TMEM120A: variants seen among roughly 807,000 people sequenced by gnomAD.
TMEM120A encodes the protein ion channel TACAN.
A neutral mutation model predicts 54.3 loss-of-function variants in TMEM120A; 45 were observed. The ratio of observed to expected loss-of-function variants is 0.83; its 90% CI spans 0.65 to 1.06. The LOEUF (loss-of-function observed/expected upper bound fraction) is 1.06, where lower values mean the gene tolerates loss of function less well. Among genes scored for constraint, TMEM120A ranks in the 50% least tolerant of loss-of-function variants. The probability of loss-of-function intolerance (pLI) is 0.00; values close to 1 mark genes in which losing one functional copy is unlikely to be tolerated. For missense variants in TMEM120A, 424 were observed against 441.7 expected (o/e 0.96, Z 0.36); for synonymous variants, 204 against 178.5 (o/e 1.14, Z -1.14).
At chr7:75,992,670 C>T (rs952755994) in intron 1 of TMEM120A, 113 bp from the exon 2 acceptor site, 31 of 728,516 alleles carry the variant, frequency 4.3e-5, no homozygotes, top group East Asian at 1.1e-4. Flanking sequence ...TTTCGCTCAG[C>T]GGGAAAGGAG....
intron 3 of TMEM120A, 70 bp downstream of exon 3, chr7:75,992,074 C>T: frequency 1.8e-6 from 2 of 1,137,218 alleles, no homozygotes; most frequent in South Asian, 1.5e-5. Context: ...CTATAATGAC[C>T]AAGAGGAGGC....
At chr7:75,989,113 G>GGTGGAGGTTGGGGGGTGGA in intron 4 of TMEM120A, 52 bp downstream of exon 4, 1 of 343,872 alleles carries the variant, frequency 2.9e-6, no homozygotes, top group Non-Finnish European at 4.9e-6. Context: ...GGGGGGTAGG[G>GGTGGAGGTTGGGGGGTGGA]GGCTAGGGGT....
chr7:75,992,600 C>T (rs1290266471), intron 1 of TMEM120A, 43 bp from the exon 2 acceptor site: 4 of 1,451,986 alleles, frequency 2.8e-6, no homozygotes, highest in Non-Finnish European at 3.7e-6. Flanking sequence ...TGGGGAGCTA[C>T]TGAGCCAGAG....
rs781918446 is a variant in TMEM120A at position 75,987,381 on chromosome 7, G to C, written c.897C>G (p.Asp299Glu). The C allele has an allele frequency of 6.4e-7, 1 of 1,566,582 alleles. No individual in the cohort carries two copies. The highest frequency in any genetic ancestry group is 1.4e-5 in the African/African-American group (1 of 73,768). The change falls in exon 11 of 12, where the codon GAC (aspartate) becomes GAG (glutamate). Residue 299 changes from aspartate (D) to glutamate (E), a missense_variant. Asp to Glu is a conservative substitution (Grantham distance 45, BLOSUM62 2). Transcript: ENST00000493111. ...TCACCTGCCACTCCTTGCACTGAGGGTCCTGGGCCAGGTTGAACAACGTCA... is the reference window on the plus strand; with the variant it reads ...TCACCTGCCACTCCTTGCACTGAGGCTCCTGGGCCAGGTTGAACAACGTCA... ...NALTLFNLAQDPQCKEWQVLM... is the reference protein window; with the variant it reads ...NALTLFNLAQEPQCKEWQVLM...
At chr7:75,992,301 C>T (rs1789873890) in intron 2 of TMEM120A, 41 bp from the exon 3 acceptor site, 2 of 1,563,160 alleles carry the variant, frequency 1.3e-6, no homozygotes, top group Non-Finnish European at 1.7e-6. Flanking sequence ...AGAGGACTCC[C>T]AAGTGTCCTC....
intron 1 of TMEM120A, 91 bp downstream of exon 1, chr7:75,994,399 C>T: frequency 4.1e-6 from 5 of 1,214,196 alleles, no homozygotes; most frequent in Non-Finnish European, 5.9e-6. Flanking sequence ...ACCCTTAGCT[C>T]CCCACTGCCT....
At chr7:75,990,489 C>A (rs1789798019) in intron 3 of TMEM120A, among the ~76,000 whole-genome samples, 1 of 152,070 alleles carries the variant, frequency 6.6e-6, no homozygotes, top group Non-Finnish European at 1.5e-5. Context: ...TTCCCAGAGG[C>A]AAAGTAACCC....
chr7:75,993,569 G>T (rs1324858958), intron 1 of TMEM120A, among the ~76,000 whole-genome samples: 4 of 152,230 alleles, frequency 2.6e-5, no homozygotes, highest in African/African-American at 7.2e-5. Context: ...AGCACCAATG[G>T]CAGGGGCCTT....
Position 75,989,217 on chromosome 7 carries a change from G to T in TMEM120A, c.325C>A (p.Leu109Met). ...TTGACGTTCCCCAGAACCAGGCTCA[G>T]GTACAATCTAGGGAAGGGGGTGGCG... ...AYLPKKNGLY[L>M]SLVLGNVNVT... The change falls in exon 4 of 12, where the codon CTG becomes ATG. Residue 109 changes from leucine (L) to methionine (M), a missense_variant. By Grantham distance (15) the Leu-to-Met change is conservative (BLOSUM62 2). Coordinates refer to ENST00000493111, the MANE Select transcript of TMEM120A (RefSeq NM_031925.3). The T allele has an allele frequency of 6.4e-7, 1 of 1,559,924 alleles. No individual in the cohort carries two copies. Among genetic ancestry groups the T allele is most frequent in the Non-Finnish European group, 8.7e-7 (1 of 1,152,168 alleles).
Position 75,987,112 on chromosome 7 carries a change from A to G in TMEM120A, c.*60T>C, listed in dbSNP as rs1554559823. The G allele has an allele frequency of 1.4e-6, 2 of 1,416,774 alleles. No homozygotes were observed. The highest frequency in any genetic ancestry group is 2.0e-6 in the Non-Finnish European group (2 of 1,023,858). 87.8% of individuals were successfully genotyped at this position (1,416,774 alleles called of 1,614,324 possible). The stretch of plus-strand genomic sequence containing the variant: ...CACGCACACTCGAGGGGCGCCTCCC[A>G]TCCCCTCCCACAACACACAGGACAG... On this transcript the variant is annotated 3_prime_UTR_variant, in exon 12 of 12. Coordinates refer to ENST00000493111, the MANE Select transcript of TMEM120A (RefSeq NM_031925.3).
chr7:75,987,152 C>T lies in TMEM120A; in HGVS notation c.*20G>A, dbSNP rs782481047. ...ACACAGGACAGAAGCCCCTCTGGGCCGGCAGGGGAAGGCCCAGCCTCAATC... is the reference window on the plus strand; with the variant it reads ...ACACAGGACAGAAGCCCCTCTGGGCTGGCAGGGGAAGGCCCAGCCTCAATC... On this transcript the variant is annotated 3_prime_UTR_variant, in exon 12 of 12. Transcript: ENST00000493111. 3.2e-5 allele frequency: 51 copies of T among 1,571,026 alleles called. No homozygotes were observed. In the East Asian group the frequency reaches 3.3e-4, roughly 10 times the overall value.
In TMEM120A at chr7:75,987,762, C is replaced by G; in HGVS notation, c.740G>C (p.Arg247Pro). The G allele has an allele frequency of 6.2e-7, 1 of 1,612,254 alleles. No homozygotes were observed. The highest frequency in any genetic ancestry group is 8.5e-7 in the Non-Finnish European group (1 of 1,179,760). The change falls in exon 9 of 12, where the codon CGC becomes CCC. Residue 247 changes from arginine (R) to proline (P), a missense_variant. Arg to Pro is a moderately radical substitution (Grantham distance 103, BLOSUM62 -2). Transcript: ENST00000493111. ...GTGCCGCTCGCCCAGCGCCCGCAGG[C>G]GGTAGAGGCAGCCGCTCTGGTAGTA... is the stretch of plus-strand genomic sequence containing the variant. ...QYYYQSGCLY[R>P]LRALGERHTM...
Position 75,987,175 on chromosome 7 carries a change from A to G in TMEM120A, c.1029T>C (p.Asp343=). ...GCCGGCAGGGGAAGGCCCAGCCTCA[A>G]TCCTTCTTGCTCCCGTGCCGCTGAC... The part of the protein sequence containing the change: ...FHSQRHGSKK[D] The change falls in exon 12 of 12, where the codon GAT becomes GAC. Residue 343 remains aspartate (D), a synonymous_variant. Coordinates refer to ENST00000493111, the MANE Select transcript of TMEM120A (RefSeq NM_031925.3). The G allele has an allele frequency of 6.3e-7, 1 of 1,597,932 alleles. No homozygotes were observed. Among genetic ancestry groups the G allele is most frequent in the Non-Finnish European group, 8.5e-7 (1 of 1,173,230 alleles).
chr7:75,993,886 C>T (rs1683243069), intron 1 of TMEM120A, among the ~76,000 whole-genome samples: 2 of 152,162 alleles, frequency 1.3e-5, no homozygotes, highest in Admixed American at 6.5e-5. Flanking sequence ...CGTAGCTTTC[C>T]ACTGGCCTCG....
rs372926266 is a variant in TMEM120A, at chr7:75,988,283, G to T, written c.532C>A (p.Arg178=). ...CCGTTGTTGATGAGGATGCTCTCCCGGATGGTCAGGGTGCAGTAGTACCAG... is the reference window on the plus strand; with the variant it reads ...CCGTTGTTGATGAGGATGCTCTCCCTGATGGTCAGGGTGCAGTAGTACCAG... ...LVWYYCTLTI[R]ESILINNGSR... is the part of the protein sequence containing the mutation. The change falls in exon 6 of 12, where the codon CGG becomes AGG. Residue 178 remains arginine, a synonymous_variant. Transcript: ENST00000493111. 3.1e-5 allele frequency: 50 copies of T among 1,612,192 alleles called. 1 individual carries two copies. In the East Asian group the frequency reaches 1.1e-3, roughly 35 times the overall value.
Position 75,986,958 on chromosome 7 carries a change from C to G in TMEM120A, c.*214G>C. The G allele has an allele frequency of 1.7e-6, 1 of 601,484 alleles. No homozygotes were observed. Among genetic ancestry groups the G allele is most frequent in the Non-Finnish European group, 2.9e-6 (1 of 339,014 alleles). The allele number at this position is 601,484 out of a possible 1,614,324, so 37.3% of individuals were successfully genotyped here. A position where few individuals can be genotyped will look rare whatever the true frequency, so the allele number is the denominator to read the frequency against. ...TGGTGGGGCCACCCAGCCCTCCCCT[C>G]CCCCAGGAGAACACACACGCTCAGG... On this transcript the variant is annotated 3_prime_UTR_variant, in exon 12 of 12. Transcript: ENST00000493111.
chr7:75,987,923 T>G lies in TMEM120A; in HGVS notation c.691A>C (p.Ser231Arg). The G allele has an allele frequency of 6.2e-7, 1 of 1,603,164 alleles. No homozygotes were observed. The highest frequency in any genetic ancestry group is 1.3e-5 in the African/African-American group (1 of 74,854). The part of the protein sequence containing the change: ...NQFLSFSMYQ[S>R]FVQFLQYYYQ... ...CAGCACAGACATCTGGGACACTCACTCTGGTACATGGAAAAGGAGAGGAAT... is the reference window on the plus strand; with the variant it reads ...CAGCACAGACATCTGGGACACTCACGCTGGTACATGGAAAAGGAGAGGAAT... The change falls in exon 8 of 12, where the codon AGC (serine) becomes CGC (arginine). Residue 231 changes from serine (S) to arginine (R), a missense_variant and splice_region_variant. Transcript: ENST00000493111.
In TMEM120A at chr7:75,988,061, C is replaced by G. The variant is rs180930608; in HGVS notation, c.629+22G>C. ...CCCCTCCTTGTCCCAGCTCCTGCCC[C>G]TGCCGGGGCCCAGCCACTCACCACG... is the stretch of plus-strand genomic sequence containing the variant. On this transcript the variant is annotated intron_variant, in intron 7 of 11. Transcript: ENST00000493111. The G allele has an allele frequency of 1.4e-3, 2,322 of 1,601,514 alleles. 65 individuals carry two copies. In the Admixed American group the frequency reaches 0.037, roughly 26 times the overall value.
At chr7:75,993,085 A>C (rs1255263289) in intron 1 of TMEM120A, among the ~76,000 whole-genome samples, 3 of 152,186 alleles carry the variant, frequency 2.0e-5, no homozygotes, top group African/African-American at 4.8e-5. Context: ...TACAGGCATA[A>C]GCCACCGCAC....
Sources: gnomAD v4.1 joint callset for allele counts (sites outside exome capture counted in the v4.1 genomes callset) on GRCh38, gnomAD v4.1.1 for gene constraint, MANE v1.5 for transcripts, NCBI Gene and HGNC (gene_info 2026-07-23, HGNC 2026-07-21) for gene names.